TASP1: variants seen among roughly 807,000 people sequenced by gnomAD.
The protein encoded by TASP1 is taspase 1, also known as threonine aspartase 1.
In TASP1, 16 loss-of-function variants were observed where a neutral mutation model predicts 56.6. The observed-to-expected ratio is 0.28, with a 90% CI of 0.19 to 0.43. TASP1 has a LOEUF of 0.43. TASP1 is among the 20% of genes least tolerant of loss of function. TASP1 has a pLI of 1.00. For synonymous variants in TASP1, 179 were observed against 184.2 expected (o/e 0.97, Z 0.23); for missense variants, 393 against 511.6 (o/e 0.77, Z 2.24).
chr20:13,444,030 A>G (rs1194423807), intron 11 of TASP1, among the ~76,000 whole-genome samples: 1 of 152,200 alleles, frequency 6.6e-6, no homozygotes, highest in Non-Finnish European at 1.5e-5. Flanking sequence ...CTTGAACAAG[A>G]CACTCTATCT....
chr20:13,306,463 T>A, the TASP1 span, among the ~76,000 whole-genome samples: 1 of 151,216 alleles, frequency 6.6e-6, no homozygotes, highest in Non-Finnish European at 1.5e-5. Flanking sequence ...AGTTATACCC[T>A]TCTTTATTTC....
At chr20:13,337,984 CAA>C in the TASP1 span, among the ~76,000 whole-genome samples, 1 of 152,100 alleles carries the variant, frequency 6.6e-6, no homozygotes, top group Non-Finnish European at 1.5e-5. Flanking sequence ...ATCGAGACCC[CAA>C]GAGAGGGTTC....
the TASP1 span, among the ~76,000 whole-genome samples, chr20:13,155,254 C>A: frequency 6.6e-6 from 1 of 152,112 alleles, no homozygotes; most frequent in Admixed American, 6.5e-5. Flanking sequence ...TCTGACCAAG[C>A]ACATGATAGA....
intron 8 of TASP1, among the ~76,000 whole-genome samples, chr20:13,540,661 G>A (rs542904782): frequency 1.4e-4 from 22 of 152,232 alleles, no homozygotes; most frequent in South Asian, 4.1e-4. Context: ...CCATTTTAAC[G>A]AACAAGTAAA....
Position 13,559,018 on chromosome 20 carries a change from G to T in TASP1, c.665C>A (p.Ser222Ter). 6.3e-7 allele frequency: 1 copy of T among 1,585,026 alleles called. No homozygotes were observed. Among genetic ancestry groups the T allele is most frequent in the Non-Finnish European group, 8.6e-7 (1 of 1,165,018 alleles). Residue 222 changes from serine (S) to a stop codon, truncating the protein, a stop_gained, in exon 8 of 14, where the codon TCA becomes TAA. Coordinates refer to ENST00000337743, the MANE Select transcript of TASP1 (RefSeq NM_017714.3). LOFTEE classifies it high-confidence loss of function. ...DFMQLKKRRQ[S>*]SEKENDSGTL... The stretch of plus-strand genomic sequence containing the variant: ...CAAACACCACCTGACCTTCTCACTT[G>T]ATTGTCTTCTTTTCTTTAGTTGCAT...
the TASP1 span, among the ~76,000 whole-genome samples, chr20:13,190,556 A>G: frequency 6.6e-6 from 1 of 152,216 alleles, no homozygotes; most frequent in Non-Finnish European, 1.5e-5. Context: ...TTAGACCGCT[A>G]TCTTCACCAT....
At chr20:13,239,293 C>T in the TASP1 span, among the ~76,000 whole-genome samples, 972 of 152,346 alleles carry the variant, frequency 6.4e-3, 17 homozygotes, top group African/African-American at 0.022. Flanking sequence ...GTGTGGTTCT[C>T]TCATGCCCCA....
At chr20:13,286,703 C>T in the TASP1 span, among the ~76,000 whole-genome samples, 168 of 152,162 alleles carry the variant, frequency 1.1e-3, no homozygotes, top group Non-Finnish European at 2.3e-3. Context: ...TGAGGAGGCT[C>T]CACAGCCCTG....
At chr20:13,502,978 T>A (rs995934480) in intron 10 of TASP1, among the ~76,000 whole-genome samples, 2 of 152,136 alleles carry the variant, frequency 1.3e-5, no homozygotes, top group African/African-American at 4.8e-5. Flanking sequence ...ACAATTTCTC[T>A]CACAATGGAA....
chr20:13,621,208 G>T (rs1314834350), intron 4 of TASP1, among the ~76,000 whole-genome samples: 1 of 151,480 alleles, frequency 6.6e-6, no homozygotes, highest in Non-Finnish European at 1.5e-5. Flanking sequence ...TGGATCACCT[G>T]AGCTCAAGAG....
At chr20:13,345,693 T>C in the TASP1 span, among the ~76,000 whole-genome samples, 3 of 151,812 alleles carry the variant, frequency 2.0e-5, no homozygotes, top group Non-Finnish European at 2.9e-5. Flanking sequence ...CCCCTGGCAC[T>C]GGAATCAGAG....
the TASP1 span, among the ~76,000 whole-genome samples, chr20:13,198,204 C>A: frequency 6.6e-6 from 1 of 151,836 alleles, no homozygotes; most frequent in Non-Finnish European, 1.5e-5. Flanking sequence ...CACAAAGTAC[C>A]ATATAAATAA....
At chr20:13,428,750 C>G (rs2042701370) in intron 12 of TASP1, among the ~76,000 whole-genome samples, 1 of 152,170 alleles carries the variant, frequency 6.6e-6, no homozygotes, top group Non-Finnish European at 1.5e-5. Flanking sequence ...TCAAAATCAT[C>G]TAGTTCTTGG....
chr20:13,590,646 T>C (rs920085461), intron 4 of TASP1, among the ~76,000 whole-genome samples: 8 of 151,942 alleles, frequency 5.3e-5, no homozygotes, highest in Non-Finnish European at 8.8e-5. Flanking sequence ...GGCGGGAGGA[T>C]TACAAGGTCA....
the TASP1 span, among the ~76,000 whole-genome samples, chr20:13,155,887 T>C: frequency 5.8e-3 from 879 of 152,322 alleles, 5 homozygotes; most frequent in Middle Eastern, 0.034. Context: ...GTTGGCCCTT[T>C]GTTCACAGAT....
At chr20:13,225,893 G>T in the TASP1 span, among the ~76,000 whole-genome samples, 4 of 152,076 alleles carry the variant, frequency 2.6e-5, no homozygotes, top group African/African-American at 9.7e-5. Flanking sequence ...TATAGATATA[G>T]ATATATAATA....
At chr20:13,454,379 C>G (rs1197621839) in intron 11 of TASP1, among the ~76,000 whole-genome samples, 2 of 152,102 alleles carry the variant, frequency 1.3e-5, no homozygotes, top group Non-Finnish European at 2.9e-5. Context: ...CTGGAGAGAC[C>G]TCCATGTCCC....
At chr20:13,229,314 G>A in the TASP1 span, among the ~76,000 whole-genome samples, 1 of 152,116 alleles carries the variant, frequency 6.6e-6, no homozygotes, top group African/African-American at 2.4e-5. Flanking sequence ...AAGTCTTCTA[G>A]TGCACAATTG....
the TASP1 span, chr20:13,245,302 C>A: frequency 6.6e-6 from 1 of 152,328 alleles, no homozygotes; most frequent in Middle Eastern, 3.4e-3. Flanking sequence ...CAGTTCCTTG[C>A]CATGTGGGCC....
Sources: gnomAD v4.1 joint callset for allele counts (sites outside exome capture counted in the v4.1 genomes callset) on GRCh38, gnomAD v4.1.1 for gene constraint, MANE v1.5 for transcripts, NCBI Gene and HGNC (gene_info 2026-07-23, HGNC 2026-07-21) for gene names.